Variants in AKAP8 observed in about 807,000 individuals in gnomAD.
AKAP8 encodes the protein A-kinase anchoring protein 8.
Under a neutral mutation model 67.5 loss-of-function variants are expected in AKAP8, and 24 were observed. The ratio of observed to expected loss-of-function variants is 0.36; its 90% confidence interval spans 0.26 to 0.50. The LOEUF (loss-of-function observed/expected upper bound fraction) is 0.50. AKAP8 is among the 20% of genes least tolerant of loss of function. The pLI is 0.97. For missense variants in AKAP8, 971 were observed against 955.9 expected (o/e 1.02, Z -0.21); for synonymous variants, 400 against 371.1 (o/e 1.08, Z -0.90).
At chr19:15,362,044 C>T in intron 10 of AKAP8, 66 bp downstream of exon 10, 1 of 1,590,164 alleles carries the variant, frequency 6.3e-7, no homozygotes. Flanking sequence ...TCCCTTCCTC[C>T]TTCAAGGGAT....
In AKAP8 at chr19:15,369,068, CCT is replaced by C. The variant is rs1967113570; in HGVS notation, c.1073-748_1073-747del. ...AAGCATCTGAACTGTAACCCCTACC[CCT>C]GATGCCAGTCCCGAGACTGTCCCAC... On this transcript the variant is annotated intron_variant, in intron 8 of 13. Transcript: ENST00000269701. The surrounding 1 kb of genome is among the most constrained non-coding windows in gnomAD (Gnocchi z 4.6). The C allele has an allele frequency of 4.1e-6, 4 of 985,572 alleles. No homozygotes were observed. Among genetic ancestry groups the C allele is most frequent in the Non-Finnish European group, 3.6e-6 (3 of 830,058 alleles). The allele number at this position is 985,572 out of a possible 1,614,324, so 61.1% of individuals were successfully genotyped here. A position where few individuals can be genotyped will look rare whatever the true frequency, so the allele number is the denominator to read the frequency against.
At position 15,354,775 on chromosome 19, in the gene AKAP8, G is replaced by A; in HGVS notation, c.*140C>T. 1.0e-6 allele frequency: 1 copy of A among 965,458 alleles called. No individual in the cohort carries two copies. Among genetic ancestry groups the A allele is most frequent in the Non-Finnish European group, 1.5e-6 (1 of 656,376 alleles). The allele number at this position is 965,458 out of a possible 1,614,324, so 59.8% of individuals were successfully genotyped here. A position where few individuals can be genotyped will look rare whatever the true frequency, so the allele number is the denominator to read the frequency against. ...ACAAGCCGTGAGAGGCACTGCTCAG[G>A]AGGAAACGCTGGGTCTCTTCACCAA... On this transcript the variant is annotated 3_prime_UTR_variant, in exon 14 of 14. Transcript: ENST00000269701.
rs2048265786 is a variant in AKAP8 at position 15,354,745 on chromosome 19, A to G, written c.*170T>C. 1.4e-6 allele frequency: 1 copy of G among 714,806 alleles called. No homozygotes were observed. The highest frequency in any genetic ancestry group is 2.3e-6 in the Non-Finnish European group (1 of 440,098). 44.3% of individuals were successfully genotyped at this position (714,806 alleles called of 1,614,324 possible). ...CCTGGGCAAGAAGCCACACGACTGC[A>G]TGAGACAAGCCGTGAGAGGCACTGC... On this transcript the variant is annotated 3_prime_UTR_variant, in exon 14 of 14. Coordinates refer to ENST00000269701, the MANE Select transcript of AKAP8 (RefSeq NM_005858.4).
At chr19:15,375,093 T>G (rs1219531518) in intron 2 of AKAP8, among the ~76,000 whole-genome samples, 1 of 152,166 alleles carries the variant, frequency 6.6e-6, no homozygotes, top group African/African-American at 2.4e-5. Context: ...TTGGAAGGCC[T>G]CCTCCTGAAA....
chr19:15,373,566 T>A (rs750986774), intron 4 of AKAP8, among the ~76,000 whole-genome samples: 17 of 150,822 alleles, frequency 1.1e-4, no homozygotes, highest in Admixed American at 2.0e-4. Flanking sequence ...AAAAAAGGAG[T>A]CTCGGGGAGC....
chr19:15,371,345 G>A (rs1182159434), intron 7 of AKAP8, among the ~76,000 whole-genome samples: 5 of 152,162 alleles, frequency 3.3e-5, no homozygotes, highest in African/African-American at 1.2e-4. Context: ...CCAGTCAGCG[G>A]CACCCGGCAC....
In AKAP8 at chr19:15,360,849, C is replaced by A; in HGVS notation, c.1526G>T (p.Arg509Met). 1 of 1,612,526 alleles carries A rather than the reference C, an allele frequency of 6.2e-7. No homozygotes were observed. Residue 509 changes from arginine to methionine, a missense_variant and splice_region_variant, in exon 12 of 14, where the codon AGG (arginine) becomes ATG (methionine). Arg to Met is a moderately conservative substitution (Grantham distance 91). Coordinates refer to ENST00000269701, the MANE Select transcript of AKAP8 (RefSeq NM_005858.4). Reference protein sequence around the residue: ...LHSVDHNHNRRLAAEQFKKTS... With the variant: ...LHSVDHNHNRMLAAEQFKKTS... The stretch of plus-strand genomic sequence containing the variant: ...GGCAGTGTGGGGAGGAAGACTCACC[C>A]TGCGGTTGTGATTGTGGTCCACGGA...
At chr19:15,371,892 G>T in intron 7 of AKAP8, 60 bp downstream of exon 7, 1 of 1,570,454 alleles carries the variant, frequency 6.4e-7, no homozygotes, top group Non-Finnish European at 8.7e-7. Context: ...TGTGAGGAAG[G>T]GTGATTAAAG....
At chr19:15,361,880 T>G in intron 10 of AKAP8, 58 bp from the exon 11 acceptor site, 2 of 1,523,010 alleles carry the variant, frequency 1.3e-6, no homozygotes, top group Non-Finnish European at 1.8e-6. Flanking sequence ...TGTGGGCATT[T>G]CTCAACTGCC....
Position 15,354,021 on chromosome 19 carries a change from CTTTT to C in AKAP8, c.*890_*893del, listed in dbSNP as rs143239866. 2.0e-5 allele frequency: 3 copies of C among 148,792 alleles called. No homozygotes were observed. Among genetic ancestry groups the C allele is most frequent in the Admixed American group, 6.7e-5 (1 of 14,840 alleles). 9.2% of individuals were successfully genotyped at this position (148,792 alleles called of 1,614,324 possible). On this transcript the variant is annotated 3_prime_UTR_variant, in exon 14 of 14. Transcript: ENST00000269701. ...TGGCAATCACATCAAGTTTTCTTTC[CTTTT>C]TTTTTAAGAGATGGGGTCTTGCTAT...
intron 4 of AKAP8, 145 bp from the exon 5 acceptor site, chr19:15,373,485 G>T: frequency 8.0e-7 from 1 of 1,248,704 alleles, no homozygotes; most frequent in Non-Finnish European, 1.1e-6. Flanking sequence ...GACCAAAACT[G>T]ACCAACACCC....
intron 13 of AKAP8, 66 bp downstream of exon 13, chr19:15,358,901 C>T (rs1599556225): frequency 1.4e-6 from 2 of 1,458,116 alleles, no homozygotes; most frequent in Admixed American, 1.7e-5. Flanking sequence ...GATTCAACTC[C>T]CTGCTCCTGG....
Position 15,368,396 on chromosome 19 carries a change from G to A in AKAP8, c.1073-74C>T, listed in dbSNP as rs200833790. ...GCTGAGCTCCAGGGCCTGGTCGGGGGGCTGCAGCTTGGCCACCGCACCCTG... is the reference window on the plus strand; with the variant it reads ...GCTGAGCTCCAGGGCCTGGTCGGGGAGCTGCAGCTTGGCCACCGCACCCTG... On this transcript the variant is annotated intron_variant, in intron 8 of 13. Transcript: ENST00000269701. The A allele has an allele frequency of 1.3e-4, 207 of 1,605,082 alleles. 2 individuals carry two copies. The South Asian group carries it at 1.4e-3, about 11-fold the overall frequency.
Position 15,374,078 on chromosome 19 carries a change from G to A in AKAP8, c.92-13C>T. 1 of 1,535,956 alleles carries A rather than the reference G, an allele frequency of 6.5e-7. No homozygotes were observed. The highest frequency in any genetic ancestry group is 1.3e-5 in the South Asian group (1 of 78,346). ...TAGTTTTCATAACCTGTCACAGGGG[G>A]AGGAGCCAAGTCAGACTTCAGCAGC... On this transcript the variant is annotated splice_polypyrimidine_tract_variant and intron_variant, in intron 3 of 13. Transcript: ENST00000269701.
At chr19:15,360,761 G>A in intron 12 of AKAP8, 87 bp downstream of exon 12, 1 of 1,475,212 alleles carries the variant, frequency 6.8e-7, no homozygotes, top group Non-Finnish European at 9.1e-7. Context: ...AACCCCTAAA[G>A]ATGTTGTTAT....
chr19:15,366,030 TA>T (rs1182056982), intron 9 of AKAP8, among the ~76,000 whole-genome samples: 1,417 of 52,588 alleles, frequency 0.027, 17 homozygotes, highest in African/African-American at 0.082. Flanking sequence ...TCTCAAAGGA[TA>T]AAAAAAAAAA....
chr19:15,379,436 C>CT (rs1967329574), intron 1 of AKAP8: 1 of 452,364 alleles, frequency 2.2e-6, no homozygotes, highest in South Asian at 4.2e-5. Context: ...CCCACACTGT[C>CT]TAAGACGCCC....
At chr19:15,357,229 G>T (rs1340038606) in intron 13 of AKAP8, among the ~76,000 whole-genome samples, 1 of 150,898 alleles carries the variant, frequency 6.6e-6, no homozygotes. Context: ...AAAGTGCTGG[G>T]ATTACAGGCG....
intron 11 of AKAP8, 138 bp from the exon 12 acceptor site, chr19:15,361,116 G>C: frequency 9.0e-7 from 1 of 1,115,664 alleles, no homozygotes; most frequent in Non-Finnish European, 1.2e-6. Context: ...GGGGAGTATG[G>C]GTCAGCACAT....
Sources: allele counts gnomAD v4.1 joint callset (sites outside exome capture counted in the v4.1 genomes callset), GRCh38; gene constraint gnomAD v4.1.1; non-coding constraint Gnocchi (gnomAD v3.1); transcripts MANE v1.5; gene names NCBI Gene and HGNC (gene_info 2026-07-23, HGNC 2026-07-21).